MFSD6: variants seen among roughly 807,000 people sequenced by gnomAD.
MFSD6 encodes major facilitator superfamily domain-containing protein 6.
A neutral mutation model predicts 56.3 loss-of-function variants in MFSD6; 26 were observed. The ratio of observed to expected loss-of-function variants is 0.46; its 90% CI spans 0.34 to 0.64. The LOEUF is 0.64. MFSD6 is among the 30% of genes least tolerant of loss of function. MFSD6 has a pLI of 0.01. For synonymous variants in MFSD6, 331 were observed against 366.9 expected (o/e 0.90, Z 1.12); for missense variants, 750 against 986.2 (o/e 0.76, Z 3.21).
Position 190,501,114 on chromosome 2 carries a change from C to T in MFSD6, c.*896C>T, listed in dbSNP as rs1690002429. On this transcript the variant is annotated 3_prime_UTR_variant, in exon 8 of 8. Coordinates refer to ENST00000392328, the MANE Select transcript of MFSD6 (RefSeq NM_017694.4). ...CTGAGGGAATGAAACACACAAAAAT[C>T]ACTGAATTCCTAAGAGTTCCTTAAA... 6.6e-6 allele frequency: 1 copy of T among 152,186 alleles called. No individual in the cohort carries two copies. The highest frequency in any genetic ancestry group is 1.5e-5 in the Non-Finnish European group (1 of 68,038). The allele number at this position is 152,186 out of a possible 1,614,324, so 9.4% of individuals were successfully genotyped here.
At position 190,465,085 on chromosome 2, in the gene MFSD6, T is replaced by A; in HGVS notation, c.1533-4673T>A. On this transcript the variant is annotated intron_variant, in intron 3 of 7. Transcript: ENST00000392328. The surrounding 1 kb of genome is among the most constrained non-coding windows in gnomAD (Gnocchi z 4.6). The stretch of plus-strand genomic sequence containing the variant: ...ATTATAAGATAACCACAAATCAGCT[T>A]AAACTGCTAATACTGTGAATTGTGC... 1 of 213,656 alleles carries A rather than the reference T, an allele frequency of 4.7e-6. No individual in the cohort carries two copies. The highest frequency in any genetic ancestry group is 8.1e-6 in the Non-Finnish European group (1 of 123,906). The allele number at this position is 213,656 out of a possible 1,614,324, so 13.2% of individuals were successfully genotyped here.
intron 3 of MFSD6, among the ~76,000 whole-genome samples, chr2:190,448,884 C>T (rs1159388969): frequency 2.6e-5 from 4 of 152,038 alleles, no homozygotes; most frequent in African/African-American, 9.7e-5. Flanking sequence ...AGTTTGAAAC[C>T]CATGTGTCCT....
At chr2:190,411,940 C>G in intron 1 of MFSD6, 1 of 985,308 alleles carries the variant, frequency 1.0e-6, no homozygotes, top group Non-Finnish European at 1.2e-6. Flanking sequence ...TTGTTCTGTA[C>G]AGAACAATCT....
intron 4 of MFSD6, among the ~76,000 whole-genome samples, chr2:190,479,011 T>C (rs76552629): frequency 0.038 from 5,855 of 152,254 alleles, 170 homozygotes; most frequent in Non-Finnish European, 0.064. Context: ...TGGGGTTGCA[T>C]GTAACTGCTG....
Position 190,438,919 on chromosome 2 carries a change from G to A in MFSD6, c.1532+1358G>A, listed in dbSNP as rs1208138260. On this transcript the variant is annotated intron_variant, in intron 3 of 7. Coordinates refer to ENST00000392328, the MANE Select transcript of MFSD6 (RefSeq NM_017694.4). The surrounding 1 kb of genome is among the most constrained non-coding windows in gnomAD (Gnocchi z 5.2). ...TTTCTTGTTGGTTTGGTTTTGCTTCGGGAGGTGGTGTTCTGTTCCTTCCCT... is the reference window on the plus strand; with the variant it reads ...TTTCTTGTTGGTTTGGTTTTGCTTCAGGAGGTGGTGTTCTGTTCCTTCCCT... Among the ~76,000 whole-genome samples, 1 of 151,934 alleles carries A rather than the reference G, an allele frequency of 6.6e-6. No individual in the cohort carries two copies. The highest frequency in any genetic ancestry group is 1.5e-5 in the Non-Finnish European group (1 of 67,974).
At chr2:190,429,980 A>G (rs953023999) in intron 2 of MFSD6, among the ~76,000 whole-genome samples, 9 of 151,898 alleles carry the variant, frequency 5.9e-5, no homozygotes, top group Admixed American at 4.6e-4. Flanking sequence ...ATATCTCCTA[A>G]TGCTATCCCT....
rs1329376008 is a variant in MFSD6 at position 190,438,977 on chromosome 2, C to T, written c.1532+1416C>T. ...ATCTTCGATCCCTTTGTTGTCACCACCAAAGTCAGGGACTGTGTGGATATT... is the reference window on the plus strand; with the variant it reads ...ATCTTCGATCCCTTTGTTGTCACCATCAAAGTCAGGGACTGTGTGGATATT... On this transcript the variant is annotated intron_variant, in intron 3 of 7. Coordinates refer to ENST00000392328, the MANE Select transcript of MFSD6 (RefSeq NM_017694.4). The surrounding 1 kb of genome is among the most constrained non-coding windows in gnomAD (Gnocchi z 5.2). Among the ~76,000 whole-genome samples the T allele has an allele frequency of 6.6e-6, 1 of 152,080 alleles. No individual in the cohort carries two copies. The highest frequency in any genetic ancestry group is 2.4e-5 in the African/African-American group (1 of 41,404).
At chr2:190,482,868 CTTTTTTTTTTTTTTTTT>C (rs199927176) in intron 4 of MFSD6, among the ~76,000 whole-genome samples, 523 of 48,310 alleles carry the variant, frequency 0.011, 21 homozygotes, top group African/African-American at 0.045. Context: ...AGACTATCAT[CTTTTTTTTTTTTTTTTT>C]TTTTTTTTTT....
rs1370113326 is a variant in MFSD6, at chr2:190,491,037, A to G, written c.1891+1171A>G. Among the ~76,000 whole-genome samples the G allele has an allele frequency of 2.0e-5, 3 of 152,246 alleles. No homozygotes were observed. Among genetic ancestry groups the G allele is most frequent in the African/African-American group, 4.8e-5 (2 of 41,470 alleles). On this transcript the variant is annotated intron_variant, in intron 6 of 7. Transcript: ENST00000392328. The surrounding 1 kb of genome is among the most constrained non-coding windows in gnomAD (Gnocchi z 4.2). ...TAACTATCATGGCTCTCCCAAAGTT[A>G]TAAGATGTAGTTAAAGTTGTATTTT...
Position 190,436,654 on chromosome 2 carries a change from T to C in MFSD6, c.625T>C (p.Ser209Pro). Residue 209 changes from serine to proline, a missense_variant, in exon 3 of 8, where the codon TCA (serine) becomes CCA (proline). Coordinates refer to ENST00000392328, the MANE Select transcript of MFSD6 (RefSeq NM_017694.4). The surrounding 1 kb of genome is among the most constrained non-coding windows in gnomAD (Gnocchi z 5.3). ...CCTTTTGGAAACAAGGCTCAATGTC[T>C]CAGACACCGTTACTTTGCCAACAGC... ...RNLLETRLNV[S>P]DTVTLPTAPN... 1 of 1,614,182 alleles carries C rather than the reference T, an allele frequency of 6.2e-7. No individual in the cohort carries two copies. Among genetic ancestry groups the C allele is most frequent in the Non-Finnish European group, 8.5e-7 (1 of 1,180,028 alleles).
At chr2:190,432,079 T>C (rs539608428) in intron 2 of MFSD6, among the ~76,000 whole-genome samples, 2 of 152,228 alleles carry the variant, frequency 1.3e-5, no homozygotes, top group Non-Finnish European at 2.9e-5. Context: ...CTTATAATCC[T>C]TGGTAATTAC....
In MFSD6 at chr2:190,412,517, A is replaced by G; in HGVS notation, c.-175-2775A>G. 1.0e-6 allele frequency: 1 copy of G among 985,430 alleles called. No homozygotes were observed. The highest frequency in any genetic ancestry group is 1.2e-6 in the Non-Finnish European group (1 of 829,916). The allele number at this position is 985,430 out of a possible 1,614,324, so 61.0% of individuals were successfully genotyped here. A position where few individuals can be genotyped will look rare whatever the true frequency, so the allele number is the denominator to read the frequency against. Reference sequence around the variant, plus strand: ...GGGTAAAATTTCTTCCTCAAACTCAACTAACATGGCATTTCCTTGGGCATA... The same window carrying G: ...GGGTAAAATTTCTTCCTCAAACTCAGCTAACATGGCATTTCCTTGGGCATA... On this transcript the variant is annotated intron_variant, in intron 1 of 7. Transcript: ENST00000392328. The surrounding 1 kb of genome is among the most constrained non-coding windows in gnomAD (Gnocchi z 4.1).
Position 190,424,097 on chromosome 2 carries a change from C to T in MFSD6, c.-54+8684C>T, listed in dbSNP as rs1559104168. ...ACAGTCTGTAGCTTGTGTTTTCATC[C>T]TCTTTGCAGAGTCTTTTAAAGAGCA... On this transcript the variant is annotated intron_variant, in intron 2 of 7. Transcript: ENST00000392328. The surrounding 1 kb of genome is among the most constrained non-coding windows in gnomAD (Gnocchi z 5.9). Among the ~76,000 whole-genome samples the T allele has an allele frequency of 6.6e-6, 1 of 152,118 alleles. No individual in the cohort carries two copies. The highest frequency in any genetic ancestry group is 2.4e-5 in the African/African-American group (1 of 41,426).
At position 190,488,790 on chromosome 2, in the gene MFSD6, GA is replaced by G; in HGVS notation, c.1765del (p.Ile589SerfsTer5). ...GTTTGGGAAGAGGATGTGGTGCCAT[GA>G]TCGGAGGCGTGTTAGTCAATTATTT... ...LGLGRGCGAM[I>X]GGVLVNYFGA... On this transcript the variant is annotated frameshift_variant, in exon 5 of 8. Transcript: ENST00000392328. LOFTEE classifies it high-confidence loss of function. This position sits in a 1 kb window ranked among gnomAD's most constrained non-coding sequence, Gnocchi z 6.4. 6.3e-7 allele frequency: 1 copy of G among 1,593,602 alleles called. No homozygotes were observed. The highest frequency in any genetic ancestry group is 8.5e-7 in the Non-Finnish European group (1 of 1,172,224).
rs968793816 is a variant in MFSD6 at position 190,484,484 on chromosome 2, A to G, written c.1631-4173A>G. 3.3e-5 allele frequency among the ~76,000 whole-genome samples: 5 copies of G among 152,342 alleles called. No homozygotes were observed. The East Asian group carries it at 9.6e-4, about 29-fold the overall frequency. ...ACAGGAATGTCGTTTTCGGTAGCAC[A>G]ATTCCTAAGACTTCCTAAATCTTGT... On this transcript the variant is annotated intron_variant, in intron 4 of 7. Coordinates refer to ENST00000392328, the MANE Select transcript of MFSD6 (RefSeq NM_017694.4).
In MFSD6 at chr2:190,437,723, CAA is replaced by C. The variant is rs1021457887; in HGVS notation, c.1532+164_1532+165del. On this transcript the variant is annotated intron_variant, in intron 3 of 7. Coordinates refer to ENST00000392328, the MANE Select transcript of MFSD6 (RefSeq NM_017694.4). This position sits in a 1 kb window ranked among gnomAD's most constrained non-coding sequence, Gnocchi z 5.9. ...TTTCTTTTCCTCCTTAAAATAGAAA[CAA>C]AGGAAAGGAAGTCATGAACCTGGTT... is the stretch of plus-strand genomic sequence containing the variant. Among the ~76,000 whole-genome samples, 15 of 152,148 alleles carry C rather than the reference CAA, an allele frequency of 9.9e-5. No homozygotes were observed. Among genetic ancestry groups the C allele is most frequent in the African/African-American group, 3.6e-4 (15 of 41,494 alleles).
intron 2 of MFSD6, among the ~76,000 whole-genome samples, chr2:190,419,847 G>GA (rs1324288103): frequency 7.9e-5 from 12 of 152,166 alleles, no homozygotes; most frequent in African/African-American, 2.9e-4. Flanking sequence ...CCAGGTTTTA[G>GA]AAGTCTGTGT....
chr2:190,470,951 G>T (rs1309849484), intron 4 of MFSD6, among the ~76,000 whole-genome samples: 1 of 152,000 alleles, frequency 6.6e-6, no homozygotes, highest in Non-Finnish European at 1.5e-5. Flanking sequence ...TGATGCAATG[G>T]TGTAGCTAGT....
intron 4 of MFSD6, among the ~76,000 whole-genome samples, chr2:190,474,637 A>C (rs1688173177): frequency 6.6e-6 from 1 of 152,258 alleles, no homozygotes; most frequent in African/African-American, 2.4e-5. Context: ...GACCAGAGGT[A>C]CAAGGAGGAG....
Sources: gnomAD v4.1 joint callset for allele counts (sites outside exome capture counted in the v4.1 genomes callset) on GRCh38, gnomAD v4.1.1 for gene constraint, Gnocchi (gnomAD v3.1) non-coding constraint, MANE v1.5 for transcripts, NCBI Gene and HGNC (gene_info 2026-07-23, HGNC 2026-07-21) for gene names.